EML6: variants seen among roughly 807,000 people sequenced by gnomAD.
The protein encoded by EML6 is EMAP like 6.
EML6 carries 154 observed loss-of-function variants against 240.1 expected under a neutral mutation model. The ratio of observed to expected loss-of-function variants is 0.64; its 90% CI spans 0.56 to 0.73. The LOEUF is 0.73. Ranked by LOEUF, EML6 falls within the 30% of genes least tolerant of loss-of-function variation. EML6 has a pLI of 0.00. For synonymous variants in EML6, 1,148 were observed against 899.0 expected (o/e 1.28, Z -4.95); for missense variants, 2,964 against 2,474.6 (o/e 1.20, Z -4.20).
At chr2:54,922,448 G>C (rs1356953898) in intron 26 of EML6, among the ~76,000 whole-genome samples, 8 of 152,174 alleles carry the variant, frequency 5.3e-5, no homozygotes, top group Non-Finnish European at 2.9e-5. Flanking sequence ...CCCACCAACA[G>C]TGTACAAATT....
At chr2:54,802,759 C>T (rs1056423416) in intron 2 of EML6, among the ~76,000 whole-genome samples, 1 of 152,122 alleles carries the variant, frequency 6.6e-6, no homozygotes, top group Non-Finnish European at 1.5e-5. Flanking sequence ...TGAGTGCCCA[C>T]TGTGTCTCAC....
intron 31 of EML6, 71 bp from the exon 32 acceptor site, chr2:54,953,912 A>G (rs1261781567): frequency 8.0e-6 from 10 of 1,248,436 alleles, no homozygotes; most frequent in Middle Eastern, 1.9e-4. Flanking sequence ...AGGCTTTTAC[A>G]TGAACATAAG....
Position 54,907,874 on chromosome 2 carries a change from CAGATAGATT to C in EML6, c.3410-3053_3410-3045del, listed in dbSNP as rs1238704518. Among the ~76,000 whole-genome samples, 16 of 150,668 alleles carry C rather than the reference CAGATAGATT, an allele frequency of 1.1e-4. 1 individual carries two copies. Among genetic ancestry groups the C allele is most frequent in the African/African-American group, 3.7e-4 (15 of 40,856 alleles). ...TCCTCAGAATATGTCAGTGGTGAGA[CAGATAGATT>C]AGATAGATTAGATAGATTAGATAGA... On this transcript the variant is annotated intron_variant, in intron 24 of 41. Transcript: ENST00000356458.
chr2:54,757,176 C>T (rs922966276), intron 2 of EML6, among the ~76,000 whole-genome samples: 1 of 151,778 alleles, frequency 6.6e-6, no homozygotes, highest in Non-Finnish European at 1.5e-5. Context: ...TCTCTGTCAC[C>T]TCAGCATTCC....
intron 7 of EML6, among the ~76,000 whole-genome samples, chr2:54,834,148 G>C (rs1422679600): frequency 6.6e-6 from 1 of 152,122 alleles, no homozygotes; most frequent in Non-Finnish European, 1.5e-5. Context: ...TAAGGCGGCG[G>C]TGGCGGGGCA....
At chr2:54,900,704 C>T (rs754321993) in intron 22 of EML6, among the ~76,000 whole-genome samples, 5 of 152,178 alleles carry the variant, frequency 3.3e-5, no homozygotes, top group South Asian at 2.1e-4. Context: ...CAGTGCTCCC[C>T]GTTGGCCAAA....
chr2:54,797,721 G>T (rs1009433936), intron 2 of EML6, among the ~76,000 whole-genome samples: 2 of 152,138 alleles, frequency 1.3e-5, no homozygotes, highest in Non-Finnish European at 2.9e-5. Flanking sequence ...AAGGCAGCCT[G>T]TGTAGAGGTT....
At position 54,849,952 on chromosome 2, in the gene EML6, A is replaced by T; in HGVS notation, c.1188-10A>T. The T allele has an allele frequency of 1.9e-6, 3 of 1,544,614 alleles. No homozygotes were observed. The highest frequency in any genetic ancestry group is 2.6e-6 in the Non-Finnish European group (3 of 1,142,568). ...ATTGCTGCTTATCGTTTTGCTTTTT[A>T]TTCTTACAGAGATATGACAGAAGTA... On this transcript the variant is annotated splice_polypyrimidine_tract_variant and intron_variant, in intron 9 of 41. Coordinates refer to ENST00000356458, the MANE Select transcript of EML6 (RefSeq NM_001039753.4).
In EML6 at chr2:54,964,028, G is replaced by A. The variant is rs749011161; in HGVS notation, c.5200G>A (p.Ala1734Thr). Residue 1734 changes from alanine to threonine, a missense_variant, in exon 37 of 42, where the codon GCA becomes ACA. By Grantham distance (58) the Ala-to-Thr change is moderately conservative. Transcript: ENST00000356458. ...KVSLGHAARC[A>T]AYSPDGEMVA... ...GAGCTTGGGCCATGCGGCCAGGTGTGCAGCCTACAGCCCTGATGGGGAGAT... is the reference window on the plus strand; with the variant it reads ...GAGCTTGGGCCATGCGGCCAGGTGTACAGCCTACAGCCCTGATGGGGAGAT... 21 of 1,551,478 alleles carry A rather than the reference G, an allele frequency of 1.4e-5. No individual in the cohort carries two copies. In the South Asian group the frequency reaches 2.5e-4, roughly 18 times the overall value.
At chr2:54,916,290 G>A (rs1673905470) in intron 25 of EML6, among the ~76,000 whole-genome samples, 2 of 152,134 alleles carry the variant, frequency 1.3e-5, no homozygotes, top group South Asian at 4.1e-4. Flanking sequence ...TTGTTTCCCA[G>A]GAACATTTGG....
intron 28 of EML6, among the ~76,000 whole-genome samples, chr2:54,931,996 C>G (rs1017249225): frequency 6.6e-6 from 1 of 152,182 alleles, no homozygotes; most frequent in Non-Finnish European, 1.5e-5. Context: ...TCTAATTAGA[C>G]TCAGTTATTT....
intron 21 of EML6, among the ~76,000 whole-genome samples, chr2:54,897,471 G>C (rs1367339019): frequency 7.2e-5 from 11 of 152,158 alleles, no homozygotes. Context: ...GGGACCTAAA[G>C]CCCAGAAAAT....
In EML6 at chr2:54,948,965, G is replaced by C; in HGVS notation, c.4083+5G>C. On this transcript the variant is annotated splice_donor_5th_base_variant and intron_variant, in intron 29 of 41. Transcript: ENST00000356458. ...AAAAAAAAGAAACTGGTTGAGGTGA[G>C]TTAAACAATCACTTGTAGTCTGATA... is the stretch of plus-strand genomic sequence containing the variant. The C allele has an allele frequency of 6.5e-7, 1 of 1,542,896 alleles. No homozygotes were observed. The highest frequency in any genetic ancestry group is 8.8e-7 in the Non-Finnish European group (1 of 1,139,052).
At chr2:54,925,376 C>T (rs1449736855) in intron 26 of EML6, among the ~76,000 whole-genome samples, 2 of 152,164 alleles carry the variant, frequency 1.3e-5, no homozygotes, top group Non-Finnish European at 2.9e-5. Context: ...GCAACCCAAG[C>T]AGACTAATGT....
chr2:54,789,766 CATG>C (rs1253685734), intron 2 of EML6, among the ~76,000 whole-genome samples: 2 of 152,124 alleles, frequency 1.3e-5, no homozygotes, highest in Admixed American at 6.6e-5. Flanking sequence ...AAGGCTCAGA[CATG>C]GTCCTAATAG....
chr2:54,886,946 C>T (rs1297680772), intron 17 of EML6, among the ~76,000 whole-genome samples: 1 of 152,086 alleles, frequency 6.6e-6, no homozygotes, highest in African/African-American at 2.4e-5. Context: ...ATGGTCCTTC[C>T]CAGATGCAAG....
intron 2 of EML6, among the ~76,000 whole-genome samples, chr2:54,732,249 T>G (rs1683208139): frequency 6.6e-6 from 1 of 152,172 alleles, no homozygotes; most frequent in Non-Finnish European, 1.5e-5. Context: ...CAGTGAGTTG[T>G]CCTATTCACT....
At chr2:54,886,704 T>C (rs934972078) in intron 17 of EML6, among the ~76,000 whole-genome samples, 2 of 152,228 alleles carry the variant, frequency 1.3e-5, no homozygotes, top group African/African-American at 4.8e-5. Context: ...TTGAGCATGT[T>C]TTCCTGTGCT....
chr2:54,940,016 T>C (rs1484112365), intron 28 of EML6, among the ~76,000 whole-genome samples: 3 of 152,214 alleles, frequency 2.0e-5, no homozygotes, highest in African/African-American at 7.2e-5. Flanking sequence ...TTGTGGAATA[T>C]ATTCACTGTC....
Sources: allele counts gnomAD v4.1 joint callset (sites outside exome capture counted in the v4.1 genomes callset), GRCh38; gene constraint gnomAD v4.1.1; transcripts MANE v1.5; gene names NCBI Gene and HGNC (gene_info 2026-07-23, HGNC 2026-07-21).